Variants in MTCL2 observed in about 807,000 individuals in gnomAD.
MTCL2 encodes the protein microtubule cross-linking factor 2.
At chr20:36,808,445 G>T in the MTCL2 span, 1 of 1,329,902 alleles carries the variant, frequency 7.5e-7, no homozygotes, top group Non-Finnish European at 1.1e-6. Context: ...AATACCAGCT[G>T]GGCGTCCCTT....
chr20:36,857,995 C>A, the MTCL2 span, among the ~76,000 whole-genome samples: 1 of 152,076 alleles, frequency 6.6e-6, no homozygotes, highest in African/African-American at 2.4e-5. Flanking sequence ...CTAACCCCCA[C>A]CTCCCCCAGG....
chr20:36,802,911 C>A, the MTCL2 span: 57 of 1,571,902 alleles, frequency 3.6e-5, no homozygotes, highest in South Asian at 5.5e-4. Flanking sequence ...CTGCTTCTCA[C>A]CCTGCAGCCG....
the MTCL2 span, chr20:36,797,624 G>A: frequency 6.6e-7 from 1 of 1,518,858 alleles, no homozygotes; most frequent in South Asian, 1.2e-5. Context: ...CTGGTATGCA[G>A]GACCCTGCTC....
the MTCL2 span, chr20:36,783,728 G>A: frequency 1.0e-6 from 1 of 981,378 alleles, no homozygotes; most frequent in Non-Finnish European, 1.2e-6. Flanking sequence ...CTTTGGGAAT[G>A]TTACCAAGAC....
At chr20:36,803,723 A>G in the MTCL2 span, among the ~76,000 whole-genome samples, 1 of 152,038 alleles carries the variant, frequency 6.6e-6, no homozygotes, top group Non-Finnish European at 1.5e-5. Flanking sequence ...TGGGAGGCTG[A>G]GGCCGGCAGA....
chr20:36,812,601 C>T, the MTCL2 span: 4 of 1,481,654 alleles, frequency 2.7e-6, no homozygotes, highest in Non-Finnish European at 3.7e-6. Flanking sequence ...TGCCCCAAAC[C>T]CATATCCTCA....
the MTCL2 span, chr20:36,816,182 G>C: frequency 1.2e-6 from 2 of 1,613,726 alleles, no homozygotes; most frequent in Non-Finnish European, 1.7e-6. Context: ...CATAGAGCGA[G>C]CGGTACTTCA....
chr20:36,806,523 CTTTA>C, the MTCL2 span, among the ~76,000 whole-genome samples: 1 of 151,790 alleles, frequency 6.6e-6, no homozygotes, highest in Non-Finnish European at 1.5e-5. Context: ...TTCTGTGTCT[CTTTA>C]TTTTTTTTTT....
chr20:36,863,002 T>TG, the MTCL2 span: 7 of 1,402,620 alleles, frequency 5.0e-6, no homozygotes, highest in Non-Finnish European at 5.6e-6. This position sits in a 1 kb window ranked among gnomAD's most constrained non-coding sequence, Gnocchi z 6.2. Flanking sequence ...TCCGTGAGGC[T>TG]GGGGGGCGGC....
At chr20:36,778,395 C>CT in the MTCL2 span, 1 of 152,308 alleles carries the variant, frequency 6.6e-6, no homozygotes, top group African/African-American at 2.4e-5. Flanking sequence ...TCCACAAGCT[C>CT]TAATTCAGTG....
At chr20:36,852,627 C>T in the MTCL2 span, among the ~76,000 whole-genome samples, 4 of 152,304 alleles carry the variant, frequency 2.6e-5, no homozygotes, top group African/African-American at 9.6e-5. Context: ...GGACAGGGGA[C>T]AATCCCACAG....
chr20:36,821,867 A>G, the MTCL2 span, among the ~76,000 whole-genome samples: 15 of 152,224 alleles, frequency 9.9e-5, 1 homozygote, highest in Admixed American at 7.9e-4. Context: ...TGCTAAGCAC[A>G]TACTACTACC....
chr20:36,783,651 G>A, the MTCL2 span: 1 of 494,966 alleles, frequency 2.0e-6, no homozygotes, highest in Non-Finnish European at 2.6e-6. Context: ...GGTTCGAGAA[G>A]GGCAGCATTC....
the MTCL2 span, among the ~76,000 whole-genome samples, chr20:36,858,311 AACACACACACACACAC>A: frequency 2.2e-4 from 7 of 31,804 alleles, no homozygotes; most frequent in African/African-American, 7.1e-4. Context: ...AAGGAGGGAA[AACACACACACACACAC>A]ACACACACAC....
chr20:36,801,740 C>T, the MTCL2 span, among the ~76,000 whole-genome samples: 6 of 151,304 alleles, frequency 4.0e-5, no homozygotes, highest in East Asian at 2.0e-4. Context: ...CCGAGGCGGG[C>T]GGATCACCTG....
the MTCL2 span, among the ~76,000 whole-genome samples, chr20:36,839,723 G>A: frequency 6.6e-6 from 1 of 152,204 alleles, no homozygotes; most frequent in East Asian, 1.9e-4. This position sits in a 1 kb window ranked among gnomAD's most constrained non-coding sequence, Gnocchi z 5.1. Flanking sequence ...GGAAGGGGCT[G>A]TGATGACGGA....
the MTCL2 span, among the ~76,000 whole-genome samples, chr20:36,853,501 G>A: frequency 6.6e-6 from 1 of 152,176 alleles, no homozygotes; most frequent in Non-Finnish European, 1.5e-5. Flanking sequence ...TCCAGACACC[G>A]GACTGAGACA....
At chr20:36,839,544 G>T in the MTCL2 span, 2 of 987,070 alleles carry the variant, frequency 2.0e-6, no homozygotes, top group South Asian at 1.7e-5. This position sits in a 1 kb window ranked among gnomAD's most constrained non-coding sequence, Gnocchi z 5.1. Flanking sequence ...TGGGGGACCT[G>T]GATGTGGCAG....
At chr20:36,841,874 G>GTGTGTGTGTGT in the MTCL2 span, among the ~76,000 whole-genome samples, 1 of 110,768 alleles carries the variant, frequency 9.0e-6, no homozygotes, top group African/African-American at 3.2e-5. Flanking sequence ...TGGGGGGTGG[G>GTGTGTGTGTGT]GTGTGTGTGT....
Sources: allele counts gnomAD v4.1 joint callset (sites outside exome capture counted in the v4.1 genomes callset), GRCh38; gene constraint gnomAD v4.1.1; non-coding constraint Gnocchi (gnomAD v3.1); transcripts MANE v1.5; gene names NCBI Gene and HGNC (gene_info 2026-07-23, HGNC 2026-07-21).